GABRA2: variants seen among roughly 807,000 people sequenced by gnomAD.
GABRA2 encodes the protein gamma-aminobutyric acid receptor subunit alpha-2.
GABRA2 carries 16 observed loss-of-function variants against 48.7 expected under a neutral mutation model. That is an observed-to-expected ratio of 0.33 (90% CI 0.22 to 0.50). The LOEUF (loss-of-function observed/expected upper bound fraction) is 0.50. Among genes scored for constraint, GABRA2 ranks in the 20% least tolerant of loss-of-function variants. The pLI is 0.98. For synonymous variants in GABRA2, 185 were observed against 184.5 expected (o/e 1.00, Z -0.02); for missense variants, 275 against 535.6 (o/e 0.51, Z 4.80).
chr4:46,310,761 A>G (rs998160818), intron 5 of GABRA2, among the ~76,000 whole-genome samples: 12 of 152,186 alleles, frequency 7.9e-5, no homozygotes, highest in African/African-American at 2.7e-4. Flanking sequence ...TGCTAGATAT[A>G]AATACATATA....
chr4:46,308,346 T>C (rs2109662819), intron 6 of GABRA2, among the ~76,000 whole-genome samples: 2 of 152,300 alleles, frequency 1.3e-5, no homozygotes, highest in South Asian at 4.1e-4. Flanking sequence ...TTGAGGACAC[T>C]GACGAAGTTC....
intron 3 of GABRA2, among the ~76,000 whole-genome samples, chr4:46,382,484 G>A (rs1716892393): frequency 6.6e-6 from 1 of 152,010 alleles, no homozygotes; most frequent in Non-Finnish European, 1.5e-5. Flanking sequence ...AGAGTGGGGA[G>A]AAAAACCTTG....
At chr4:46,282,867 G>A (rs779499669) in intron 8 of GABRA2, among the ~76,000 whole-genome samples, 1 of 152,182 alleles carries the variant, frequency 6.6e-6, no homozygotes, top group African/African-American at 2.4e-5. Context: ...GTACACACAA[G>A]TTTGTGTTTT....
In GABRA2 at chr4:46,245,838, G is replaced by T. The variant is rs1713615300; in HGVS notation, c.*4470C>A. Among the ~76,000 whole-genome samples the T allele has an allele frequency of 6.6e-6, 1 of 151,054 alleles. No homozygotes were observed. The highest frequency in any genetic ancestry group is 2.1e-4 in the South Asian group (1 of 4,818). ...TATTGGCAATATTAGGTAATGTTATGTATTAAATACATCATTGAGTAGTTT... is the reference window on the plus strand; with the variant it reads ...TATTGGCAATATTAGGTAATGTTATTTATTAAATACATCATTGAGTAGTTT... On this transcript the variant is annotated 3_prime_UTR_variant, in exon 10 of 10. Coordinates refer to ENST00000381620, the MANE Select transcript of GABRA2 (RefSeq NM_000807.4).
At chr4:46,365,248 C>T (rs964380031) in intron 3 of GABRA2, 1 of 152,060 alleles carries the variant, frequency 6.6e-6, no homozygotes, top group African/African-American at 2.4e-5. Flanking sequence ...CCAACTATTC[C>T]TTCTCATTTA....
At chr4:46,290,595 C>T (rs1723442550) in intron 8 of GABRA2, among the ~76,000 whole-genome samples, 1 of 152,004 alleles carries the variant, frequency 6.6e-6, no homozygotes, top group Admixed American at 6.6e-5. Context: ...AAGAATCAAA[C>T]TGATTTTTGT....
In GABRA2 at chr4:46,273,908, A is replaced by T. The variant is rs541340061; in HGVS notation, c.857-11780T>A. The stretch of plus-strand genomic sequence containing the variant: ...AGGGCATGTTCCCGAGTTTAAGGGC[A>T]TCTCCCTAAGATTTAGGTAACAAAC... On this transcript the variant is annotated intron_variant, in intron 8 of 9. Transcript: ENST00000381620. Among the ~76,000 whole-genome samples, 13 of 152,186 alleles carry T rather than the reference A, an allele frequency of 8.5e-5. No individual in the cohort carries two copies. In the South Asian group the frequency reaches 2.7e-3, roughly 32 times the overall value.
intron 4 of GABRA2, among the ~76,000 whole-genome samples, chr4:46,328,423 G>A (rs998370701): frequency 1.3e-5 from 2 of 151,946 alleles, no homozygotes; most frequent in Non-Finnish European, 2.9e-5. Flanking sequence ...AGAGAAATTA[G>A]GAATTTAGCT....
At chr4:46,348,194 T>A (rs999794316) in intron 3 of GABRA2, among the ~76,000 whole-genome samples, 1 of 152,002 alleles carries the variant, frequency 6.6e-6, no homozygotes, top group African/African-American at 2.4e-5. Flanking sequence ...TCACTGGCCA[T>A]CAGAGAAATG....
intron 3 of GABRA2, among the ~76,000 whole-genome samples, chr4:46,358,675 A>G (rs1712614437): frequency 6.6e-6 from 1 of 152,204 alleles, no homozygotes; most frequent in Non-Finnish European, 1.5e-5. Context: ...TTGAACTACC[A>G]CACTCTTGGC....
At chr4:46,273,753 T>C in intron 8 of GABRA2, among the ~76,000 whole-genome samples, 1 of 151,894 alleles carries the variant, frequency 6.6e-6, no homozygotes, top group Non-Finnish European at 1.5e-5. Flanking sequence ...AGGTTTTCTG[T>C]TTCTTGTATC....
rs1430553451 is a variant in GABRA2 at position 46,390,022 on chromosome 4, G to A, written c.-298C>T. ...GGAGGAAGAGGAGGAGGAGGAAGAG[G>A]AGGAGGGGGAAAACGATGACAGGAG... On this transcript the variant is annotated 5_prime_UTR_variant, in exon 1 of 10. Coordinates refer to ENST00000381620, the MANE Select transcript of GABRA2 (RefSeq NM_000807.4). 3 of 920,434 alleles carry A rather than the reference G, an allele frequency of 3.3e-6. No individual in the cohort carries two copies. Among genetic ancestry groups the A allele is most frequent in the Non-Finnish European group, 3.9e-6 (3 of 778,666 alleles). 57.0% of individuals were successfully genotyped at this position (920,434 alleles called of 1,614,324 possible). A position where few individuals can be genotyped will look rare whatever the true frequency, so the allele number is the denominator to read the frequency against.
intron 9 of GABRA2, chr4:46,256,224 T>A (rs1360715584): frequency 1.5e-6 from 1 of 688,454 alleles, no homozygotes; most frequent in Admixed American, 2.0e-5. Context: ...AAACAGTCCA[T>A]CCACTTCTCT....
chr4:46,320,434 G>A (rs1419336002), intron 4 of GABRA2, among the ~76,000 whole-genome samples: 1 of 151,594 alleles, frequency 6.6e-6, no homozygotes, highest in Admixed American at 6.6e-5. Flanking sequence ...TAAACAAGTC[G>A]ACATACATCA....
intron 9 of GABRA2, among the ~76,000 whole-genome samples, chr4:46,254,143 C>T (rs1247079740): frequency 1.3e-5 from 2 of 151,432 alleles, no homozygotes; most frequent in African/African-American, 4.8e-5. Flanking sequence ...GGAGGTATTA[C>T]ATGGCCCTAT....
At chr4:46,276,850 G>A (rs1047564171) in intron 8 of GABRA2, among the ~76,000 whole-genome samples, 4 of 151,910 alleles carry the variant, frequency 2.6e-5, no homozygotes, top group Non-Finnish European at 4.4e-5. Flanking sequence ...GTCTAACAGA[G>A]TATATGGAAT....
rs1219155608 is a variant in GABRA2, at chr4:46,250,106, T to C, written c.*202A>G. On this transcript the variant is annotated 3_prime_UTR_variant, in exon 10 of 10. Coordinates refer to ENST00000381620, the MANE Select transcript of GABRA2 (RefSeq NM_000807.4). ...AAATCTTTAAAAAAGGCAATGGCTGTTTTCGCATGGAGTGCTTTCTGTCTG... is the reference window on the plus strand; with the variant it reads ...AAATCTTTAAAAAAGGCAATGGCTGCTTTCGCATGGAGTGCTTTCTGTCTG... 1 of 500,778 alleles carries C rather than the reference T, an allele frequency of 2.0e-6. No homozygotes were observed. The highest frequency in any genetic ancestry group is 1.9e-5 in the African/African-American group (1 of 51,282). The allele number at this position is 500,778 out of a possible 1,614,324, so 31.0% of individuals were successfully genotyped here.
chr4:46,305,309 T>C (rs1023513609), intron 7 of GABRA2, among the ~76,000 whole-genome samples: 42 of 151,130 alleles, frequency 2.8e-4, no homozygotes, highest in Non-Finnish European at 5.3e-4. Flanking sequence ...ATATATCTAA[T>C]ATTAAATGAC....
chr4:46,366,624 G>T (rs3849591), intron 3 of GABRA2: 27,069 of 151,986 alleles, frequency 0.18, 3,077 homozygotes, highest in East Asian at 0.54. Flanking sequence ...TAAGGTAGGG[G>T]TCATCAATTT....
Sources: gnomAD v4.1 joint callset for allele counts (sites outside exome capture counted in the v4.1 genomes callset) on GRCh38, gnomAD v4.1.1 for gene constraint, MANE v1.5 for transcripts, NCBI Gene and HGNC (gene_info 2026-07-23, HGNC 2026-07-21) for gene names.